The following TUBB8B variants were observed in gnomAD, a reference collection of about 807,000 sequenced individuals.
The protein encoded by TUBB8B is HSA18p11 beta-tubulin 4Q pseudogene.
In TUBB8B, 26 loss-of-function variants were observed where a neutral mutation model predicts 31.9. The ratio of observed to expected loss-of-function variants is 0.81; its 90% confidence interval spans 0.60 to 1.13. The LOEUF is 1.13. TUBB8B is among the 50% of genes most tolerant of loss of function. The pLI, the probability that TUBB8B is intolerant of heterozygous loss-of-function variation, is 0.00. For missense variants in TUBB8B, 467 were observed against 586.7 expected (o/e 0.80, Z 2.11); for synonymous variants, 173 against 231.0 (o/e 0.75, Z 2.28).
At position 49,530 on chromosome 18, in the gene TUBB8B, C is replaced by T. The variant is rs113491878; in HGVS notation, c.28G>A (p.Gly10Arg). 8.3e-5 allele frequency: 78 copies of T among 941,716 alleles called. 1 individual carries two copies. The highest frequency in any genetic ancestry group is 3.0e-4 in the Middle Eastern group (1 of 3,304). The allele number at this position is 941,716 out of a possible 1,614,324, so 58.3% of individuals were successfully genotyped here. The change falls in exon 1 of 4, where the codon GGG (glycine) becomes AGG (arginine). Residue 10 changes from glycine to arginine, a missense_variant. Gly to Arg is a moderately radical substitution (Grantham distance 125, BLOSUM62 -2). Transcript: ENST00000308911. MREIVLTQT[G>R]QCGNQIGAKF... ...GCGCCGATCTGGTTCCCGCACTGCC[C>T]GGTCTGCGTGAGCACGATTTCCCTC...
chr18:56,807 A>C, the TUBB8B span, among the ~76,000 whole-genome samples: 583 of 152,066 alleles, frequency 3.8e-3, 10 homozygotes, highest in African/African-American at 0.013. Flanking sequence ...ATGGTTCTAC[A>C]GGCTGTACAG....
chr18:63,355 G>A, the TUBB8B span, among the ~76,000 whole-genome samples: 5 of 151,680 alleles, frequency 3.3e-5, no homozygotes, highest in Non-Finnish European at 5.9e-5. Flanking sequence ...GTACTGCTGT[G>A]GTGGCCTTGG....
chr18:52,114 G>T (rs949906678), upstream of TUBB8B, among the ~76,000 whole-genome samples: 12 of 151,748 alleles, frequency 7.9e-5, no homozygotes, highest in Non-Finnish European at 4.4e-5. Flanking sequence ...CTTGGTGTGG[G>T]GTCAAAAACC....
chr18:72,796 C>T, the TUBB8B span, among the ~76,000 whole-genome samples: 2 of 151,966 alleles, frequency 1.3e-5, no homozygotes, highest in African/African-American at 4.8e-5. Context: ...GGAGAAACCC[C>T]GTCTCTACTA....
rs779908287 is a variant in TUBB8B, at chr18:47,992, G to A, written c.733C>T (p.Gln245Ter). Residue 245 changes from glutamine to a stop codon, truncating the protein, a stop_gained, in exon 4 of 4, where the codon CAG becomes TAG. Transcript: ENST00000308911. LOFTEE classifies it high-confidence loss of function. ...AGCTTCCGCAGGTCAGCATTCAGCT[G>A]GCCTGGGAAGCGCAGGCATGTGGTG... ...GVTTCLRFPG[Q>*]LNADLRKLAV... 3.6e-5 allele frequency: 58 copies of A among 1,612,018 alleles called. No homozygotes were observed. The highest frequency in any genetic ancestry group is 4.7e-5 in the Non-Finnish European group (56 of 1,179,932).
rs1342568097 is a variant in TUBB8B at position 47,359 on chromosome 18, G to T, written c.*31C>A. 5.7e-6 allele frequency: 4 copies of T among 696,540 alleles called. No homozygotes were observed. In the South Asian group the frequency reaches 6.6e-5, roughly 11 times the overall value. 43.1% of individuals were successfully genotyped at this position (696,540 alleles called of 1,614,324 possible). On this transcript the variant is annotated 3_prime_UTR_variant, in exon 4 of 4. Coordinates refer to ENST00000308911, the MANE Select transcript of TUBB8B (RefSeq NM_001358689.2). Reference sequence around the variant, plus strand: ...CAGAACACAGTAAAGAATCCACACTGCTTCCCCCCTTTACCTAGAAAAGGA... The same window carrying T: ...CAGAACACAGTAAAGAATCCACACTTCTTCCCCCCTTTACCTAGAAAAGGA...
At chr18:72,193 A>C in the TUBB8B span, among the ~76,000 whole-genome samples, 1 of 142,178 alleles carries the variant, frequency 7.0e-6, no homozygotes, top group African/African-American at 2.7e-5. Flanking sequence ...AAAAAAAAAA[A>C]AAAAAAGGAA....
At chr18:55,107 CTATT>C in the TUBB8B span, among the ~76,000 whole-genome samples, 2 of 139,168 alleles carry the variant, frequency 1.4e-5, no homozygotes, top group Non-Finnish European at 3.1e-5. Context: ...GGTTATTTAT[CTATT>C]TATGTATTGA....
At chr18:68,003 A>G in the TUBB8B span, among the ~76,000 whole-genome samples, 1 of 152,176 alleles carries the variant, frequency 6.6e-6, no homozygotes, top group Non-Finnish European at 1.5e-5. Flanking sequence ...CTCACGTGAC[A>G]CCCTCAATAC....
the TUBB8B span, among the ~76,000 whole-genome samples, chr18:57,898 C>A: frequency 6.6e-6 from 1 of 152,050 alleles, no homozygotes; most frequent in East Asian, 1.9e-4. Context: ...TGAAAGCTAC[C>A]AAGGCTTATG....
At chr18:55,427 T>C in the TUBB8B span, among the ~76,000 whole-genome samples, 3 of 151,710 alleles carry the variant, frequency 2.0e-5, no homozygotes, top group Non-Finnish European at 4.4e-5. Flanking sequence ...AGGAAATAGG[T>C]TTAACTGAGT....
chr18:59,317 G>C, the TUBB8B span, among the ~76,000 whole-genome samples: 4 of 151,628 alleles, frequency 2.6e-5, 1 homozygote, highest in African/African-American at 4.8e-5. Flanking sequence ...TTGAATTACA[G>C]CGGTAAAAGT....
chr18:63,455 T>C, the TUBB8B span, among the ~76,000 whole-genome samples: 1 of 151,478 alleles, frequency 6.6e-6, no homozygotes, highest in African/African-American at 2.4e-5. Context: ...TCTCTCTTTC[T>C]GTGCTAAGCC....
In TUBB8B at chr18:48,333, T is replaced by G; in HGVS notation, c.392A>C (p.Gln131Pro). ...CAGGGAGTGGGTCAGCTGGAAACCC[T>G]GCAGGCAGTCACAGCTCTCAGCCTC... ...RKEAESCDCL[Q>P]GFQLTHSLGG... is the part of the protein sequence containing the mutation. The change falls in exon 4 of 4, where the codon CAG becomes CCG. Residue 131 changes from glutamine to proline, a missense_variant. Gln to Pro is a moderately conservative substitution (Grantham distance 76). This residue lies in a region of TUBB8B where 259 missense variants were observed against 380.1 expected (regional missense o/e 0.68). Coordinates refer to ENST00000308911, the MANE Select transcript of TUBB8B (RefSeq NM_001358689.2). 6.2e-7 allele frequency: 1 copy of G among 1,609,232 alleles called. No individual in the cohort carries two copies. The highest frequency in any genetic ancestry group is 1.7e-5 in the Admixed American group (1 of 59,858).
the TUBB8B span, among the ~76,000 whole-genome samples, chr18:72,732 AG>A: frequency 6.6e-6 from 1 of 152,110 alleles, no homozygotes; most frequent in East Asian, 1.9e-4. Flanking sequence ...TGGGAGGCCG[AG>A]GTGGGTGGAT....
the TUBB8B span, among the ~76,000 whole-genome samples, chr18:64,804 C>T: frequency 6.6e-6 from 1 of 152,068 alleles, no homozygotes; most frequent in Non-Finnish European, 1.5e-5. Context: ...TTGACCCAGA[C>T]CTCATCAAAC....
At chr18:52,441 G>A (rs545682170), upstream of TUBB8B, among the ~76,000 whole-genome samples, 5 of 150,904 alleles carry the variant, frequency 3.3e-5, no homozygotes, top group Non-Finnish European at 7.4e-5. Flanking sequence ...TAACCCTGTG[G>A]GCTTGGCCTC....
At chr18:63,611 A>AAAGCCC in the TUBB8B span, among the ~76,000 whole-genome samples, 1 of 149,602 alleles carries the variant, frequency 6.7e-6, no homozygotes, top group Admixed American at 6.6e-5. Context: ...AACTTTATTA[A>AAAGCCC]AAGCCCTAGC....
the TUBB8B span, among the ~76,000 whole-genome samples, chr18:63,408 T>C: frequency 6.6e-6 from 1 of 151,722 alleles, no homozygotes; most frequent in East Asian, 1.9e-4. Context: ...AAGTAGAGAT[T>C]CTAGTTCTCT....
Sources: allele counts gnomAD v4.1 joint callset (sites outside exome capture counted in the v4.1 genomes callset), GRCh38; gene constraint gnomAD v4.1.1; regional missense constraint gnomAD v4.1.1; transcripts MANE v1.5; gene names NCBI Gene and HGNC (gene_info 2026-07-23, HGNC 2026-07-21).